CDH12: variants seen among roughly 807,000 people sequenced by gnomAD.
CDH12 encodes the protein cadherin-12.
A neutral mutation model predicts 74.1 loss-of-function variants in CDH12; 41 were observed. The ratio of observed to expected loss-of-function variants is 0.55; its 90% CI spans 0.43 to 0.72. The LOEUF is 0.72. Ranked by LOEUF, CDH12 falls within the 30% of genes least tolerant of loss-of-function variation. The probability of loss-of-function intolerance (pLI) is 0.00; values close to 1 mark genes in which losing one functional copy is unlikely to be tolerated. For synonymous variants in CDH12, 399 were observed against 355.0 expected (o/e 1.12, Z -1.39); for missense variants, 945 against 977.2 (o/e 0.97, Z 0.44).
chr5:22,386,636 T>A (rs914867251), intron 3 of CDH12, among the ~76,000 whole-genome samples: 8 of 152,068 alleles, frequency 5.3e-5, no homozygotes, highest in Non-Finnish European at 1.2e-4. Context: ...TCTTTTATTA[T>A]CAGGGAAAAA....
intron 1 of CDH12, among the ~76,000 whole-genome samples, chr5:22,835,187 T>C (rs1222254206): frequency 6.6e-6 from 1 of 152,160 alleles, no homozygotes; most frequent in African/African-American, 2.4e-5. Flanking sequence ...ATCATGATTA[T>C]TTTTATATTA....
At chr5:22,428,206 T>TAC (rs60523110) in intron 2 of CDH12, among the ~76,000 whole-genome samples, 12 of 150,296 alleles carry the variant, frequency 8.0e-5, no homozygotes, top group East Asian at 4.0e-4. Flanking sequence ...TATATATATA[T>TAC]ACACACACAC....
At chr5:22,153,349 C>T (rs552995161) in intron 4 of CDH12, among the ~76,000 whole-genome samples, 1 of 151,638 alleles carries the variant, frequency 6.6e-6, no homozygotes. Flanking sequence ...TAAGACCCCC[C>T]TCCCATCCCG....
intron 6 of CDH12, among the ~76,000 whole-genome samples, chr5:21,857,361 T>A (rs1483810993): frequency 1.3e-5 from 2 of 151,804 alleles, no homozygotes; most frequent in African/African-American, 2.4e-5. Context: ...AATGGTTATA[T>A]CTGCAGAGAG....
chr5:22,214,966 A>T (rs1290232575), intron 3 of CDH12, among the ~76,000 whole-genome samples: 7 of 152,320 alleles, frequency 4.6e-5, no homozygotes, highest in Non-Finnish European at 5.9e-5. Flanking sequence ...ATGAAGAACA[A>T]AGCAAAATAA....
At chr5:22,072,388 C>G (rs999626393) in intron 5 of CDH12, among the ~76,000 whole-genome samples, 2 of 152,040 alleles carry the variant, frequency 1.3e-5, no homozygotes, top group Non-Finnish European at 2.9e-5. Context: ...AACTTTTCCC[C>G]ATACTACCAC....
At chr5:22,373,020 C>G (rs912212079) in intron 3 of CDH12, among the ~76,000 whole-genome samples, 30 of 152,212 alleles carry the variant, frequency 2.0e-4, no homozygotes, top group East Asian at 7.8e-4. Flanking sequence ...CACCACTGCC[C>G]CCACCTAAGC....
intron 10 of CDH12, among the ~76,000 whole-genome samples, chr5:21,788,079 G>C (rs970862728): frequency 6.6e-6 from 1 of 152,154 alleles, no homozygotes; most frequent in Admixed American, 6.6e-5. Context: ...TTGTTCTAGA[G>C]ATGAGACATA....
chr5:22,225,314 G>A (rs1254276488), intron 3 of CDH12, among the ~76,000 whole-genome samples: 1 of 151,950 alleles, frequency 6.6e-6, no homozygotes, highest in Non-Finnish European at 1.5e-5. Flanking sequence ...TGTAAGCTTT[G>A]GAAAAATGTT....
chr5:22,583,155 T>C (rs1740190635), intron 1 of CDH12, among the ~76,000 whole-genome samples: 1 of 152,198 alleles, frequency 6.6e-6, no homozygotes, highest in Non-Finnish European at 1.5e-5. Flanking sequence ...CTTACCAAAG[T>C]GTTCAACTTA....
At chr5:21,984,117 A>C (rs1272389185) in intron 5 of CDH12, among the ~76,000 whole-genome samples, 1 of 152,160 alleles carries the variant, frequency 6.6e-6, no homozygotes, top group African/African-American at 2.4e-5. Context: ...ATATTTAAGA[A>C]TAAATAACCT....
At chr5:22,578,609 A>G (rs1344533115) in intron 1 of CDH12, among the ~76,000 whole-genome samples, 1 of 152,172 alleles carries the variant, frequency 6.6e-6, no homozygotes, top group Non-Finnish European at 1.5e-5. Flanking sequence ...CTGCTTTCCC[A>G]GAAAATCAGA....
At chr5:22,788,586 T>C (rs1371187278) in intron 1 of CDH12, among the ~76,000 whole-genome samples, 2 of 148,124 alleles carry the variant, frequency 1.4e-5, no homozygotes, top group Non-Finnish European at 3.0e-5. Context: ...ATGAAATATA[T>C]ATTATAATAT....
chr5:21,772,264 A>G (rs1394184505), intron 11 of CDH12, among the ~76,000 whole-genome samples: 2 of 152,170 alleles, frequency 1.3e-5, no homozygotes, highest in Admixed American at 6.5e-5. Context: ...ATATCAGAAC[A>G]TGCTGAGAAA....
intron 4 of CDH12, among the ~76,000 whole-genome samples, chr5:22,178,312 A>T (rs1202709082): frequency 6.6e-6 from 1 of 152,180 alleles, no homozygotes; most frequent in Non-Finnish European, 1.5e-5. Flanking sequence ...TATGCTCATT[A>T]AAGCCTTCCT....
intron 3 of CDH12, among the ~76,000 whole-genome samples, chr5:22,277,403 C>T (rs890987887): frequency 1.3e-5 from 2 of 152,188 alleles, no homozygotes; most frequent in South Asian, 4.1e-4. Context: ...TGGTAGAAAT[C>T]TTTCATCACT....
At chr5:22,613,556 A>G (rs192260163) in intron 1 of CDH12, among the ~76,000 whole-genome samples, 1 of 152,176 alleles carries the variant, frequency 6.6e-6, no homozygotes, top group Admixed American at 6.6e-5. Context: ...TTTAACCTAT[A>G]TATTTGAAAA....
At chr5:21,900,370 GAAT>G (rs1026269314) in intron 6 of CDH12, among the ~76,000 whole-genome samples, 1 of 152,092 alleles carries the variant, frequency 6.6e-6, no homozygotes, top group Non-Finnish European at 1.5e-5. Context: ...AGTTATTAGT[GAAT>G]AATAATACAA....
chr5:22,695,158 A>C (rs748633587), intron 1 of CDH12, among the ~76,000 whole-genome samples: 13 of 152,144 alleles, frequency 8.5e-5, no homozygotes, highest in Non-Finnish European at 1.6e-4. Context: ...GTCCCTGCAA[A>C]GGACATGAAC....
Sources: gnomAD v4.1 joint callset for allele counts (sites outside exome capture counted in the v4.1 genomes callset) on GRCh38, gnomAD v4.1.1 for gene constraint, MANE v1.5 for transcripts, NCBI Gene and HGNC (gene_info 2026-07-23, HGNC 2026-07-21) for gene names.